Variants in FBXO4 observed in about 807,000 individuals in gnomAD.
FBXO4 encodes the protein F-box protein 4.
FBXO4 carries 36 observed loss-of-function variants against 43.7 expected under a neutral mutation model. The ratio of observed to expected loss-of-function variants is 0.82; its 90% CI spans 0.63 to 1.09. The LOEUF (loss-of-function observed/expected upper bound fraction) is 1.09, where lower values mean the gene tolerates loss of function less well. Ranked by LOEUF, FBXO4 falls within the 50% of genes least tolerant of loss-of-function variation. FBXO4 has a pLI of 0.00. For synonymous variants in FBXO4, 180 were observed against 165.6 expected (o/e 1.09, Z -0.67); for missense variants, 435 against 474.1 (o/e 0.92, Z 0.77).
the FBXO4 span, among the ~76,000 whole-genome samples, chr5:41,977,067 G>A: frequency 1.3e-5 from 2 of 152,190 alleles, no homozygotes; most frequent in African/African-American, 4.8e-5. Context: ...GATGTGGGGA[G>A]CAGTGTTCTG....
chr5:41,967,597 C>T, the FBXO4 span: 3 of 1,093,218 alleles, frequency 2.7e-6, no homozygotes, highest in Non-Finnish European at 4.1e-6. Flanking sequence ...ACCTTCCAGC[C>T]ACAACCACAT....
chr5:41,958,524 T>G, the FBXO4 span, among the ~76,000 whole-genome samples: 2 of 152,176 alleles, frequency 1.3e-5, no homozygotes, highest in Non-Finnish European at 2.9e-5. Flanking sequence ...CTAACCGAAA[T>G]TTTGTGACCT....
At chr5:42,031,600 A>T in the FBXO4 span, among the ~76,000 whole-genome samples, 1 of 151,992 alleles carries the variant, frequency 6.6e-6, no homozygotes, top group African/African-American at 2.4e-5. Context: ...CCTAAAACTT[A>T]AAGTATAATA....
chr5:42,033,047 T>C, the FBXO4 span, among the ~76,000 whole-genome samples: 2 of 152,152 alleles, frequency 1.3e-5, no homozygotes, highest in South Asian at 2.1e-4. Flanking sequence ...CTGATGACTT[T>C]GACTGCTGCC....
chr5:42,035,266 A>T, the FBXO4 span, among the ~76,000 whole-genome samples: 5 of 152,116 alleles, frequency 3.3e-5, no homozygotes, highest in Non-Finnish European at 7.4e-5. Context: ...ATTTGACTGC[A>T]AACAGAGGCA....
chr5:41,957,528 G>T, the FBXO4 span, among the ~76,000 whole-genome samples: 1 of 149,424 alleles, frequency 6.7e-6, no homozygotes, highest in Non-Finnish European at 1.5e-5. Flanking sequence ...TGAATATTTA[G>T]CATAATGAAT....
chr5:42,007,902 C>G, the FBXO4 span, among the ~76,000 whole-genome samples: 2 of 151,962 alleles, frequency 1.3e-5, no homozygotes, highest in African/African-American at 4.8e-5. Flanking sequence ...TCTACTCAAG[C>G]AAAACTTTTT....
the FBXO4 span, among the ~76,000 whole-genome samples, chr5:41,964,710 G>T: frequency 2.2e-4 from 33 of 150,826 alleles, no homozygotes; most frequent in Non-Finnish European, 3.4e-4. Context: ...CATATCCTTC[G>T]CCCACTTGTT....
chr5:41,954,568 T>C, the FBXO4 span, among the ~76,000 whole-genome samples: 1 of 152,332 alleles, frequency 6.6e-6, no homozygotes, highest in East Asian at 1.9e-4. Flanking sequence ...GAATTTATAG[T>C]AAAATAACTT....
chr5:41,983,858 T>TTA, the FBXO4 span, among the ~76,000 whole-genome samples: 1 of 152,000 alleles, frequency 6.6e-6, no homozygotes. Flanking sequence ...TATATTTAAA[T>TTA]TATATATTTT....
chr5:41,926,909 T>G (rs1751521323), intron 1 of FBXO4, 104 bp from the exon 2 acceptor site: 1 of 612,532 alleles, frequency 1.6e-6, no homozygotes, highest in South Asian at 2.3e-5. Context: ...TTAAAAATAC[T>G]AGTCAGTTGA....
At chr5:41,962,799 C>G in the FBXO4 span, among the ~76,000 whole-genome samples, 362 of 152,276 alleles carry the variant, frequency 2.4e-3, 1 homozygote, top group South Asian at 5.0e-3. Context: ...GTGGCATACT[C>G]TCTGTTCTGG....
chr5:41,979,838 T>C, the FBXO4 span, among the ~76,000 whole-genome samples: 1 of 152,236 alleles, frequency 6.6e-6, no homozygotes, highest in Non-Finnish European at 1.5e-5. Flanking sequence ...CTCTTATTGC[T>C]AAAGACTTCA....
chr5:41,995,132 A>C, the FBXO4 span, among the ~76,000 whole-genome samples: 1 of 152,196 alleles, frequency 6.6e-6, no homozygotes, highest in Non-Finnish European at 1.5e-5. Flanking sequence ...AAGACCAGTG[A>C]ATTCCATGAG....
At chr5:41,981,358 G>A in the FBXO4 span, among the ~76,000 whole-genome samples, 1 of 151,320 alleles carries the variant, frequency 6.6e-6, no homozygotes, top group African/African-American at 2.4e-5. Flanking sequence ...AAAACTTCAG[G>A]GGTTCAGTAT....
At chr5:42,031,852 G>A in the FBXO4 span, among the ~76,000 whole-genome samples, 1 of 151,944 alleles carries the variant, frequency 6.6e-6, no homozygotes, top group Non-Finnish European at 1.5e-5. Flanking sequence ...TATTCGGTAA[G>A]ACTTGAGTGC....
At chr5:41,954,663 C>T in the FBXO4 span, among the ~76,000 whole-genome samples, 4 of 152,160 alleles carry the variant, frequency 2.6e-5, no homozygotes, top group African/African-American at 9.7e-5. Flanking sequence ...CCTTTTGTTA[C>T]ATATTTTTTC....
intron 3 of FBXO4, among the ~76,000 whole-genome samples, chr5:41,933,447 G>A (rs557072577): frequency 1.3e-5 from 2 of 152,194 alleles, no homozygotes; most frequent in African/African-American, 4.8e-5. Flanking sequence ...TGAACTCTTA[G>A]CCTCAAGTGA....
At chr5:41,949,914 A>G in the FBXO4 span, among the ~76,000 whole-genome samples, 1 of 152,188 alleles carries the variant, frequency 6.6e-6, no homozygotes, top group Non-Finnish European at 1.5e-5. Flanking sequence ...AATGCCACAT[A>G]TCTACAACCA....
Sources: gnomAD v4.1 joint callset for allele counts (sites outside exome capture counted in the v4.1 genomes callset) on GRCh38, gnomAD v4.1.1 for gene constraint, MANE v1.5 for transcripts, NCBI Gene and HGNC (gene_info 2026-07-23, HGNC 2026-07-21) for gene names.